The following PRMT9 variants were observed in gnomAD, a reference collection of about 807,000 sequenced individuals.
PRMT9 encodes the protein protein arginine methyltransferase 9.
A neutral mutation model predicts 83.2 loss-of-function variants in PRMT9; 59 were observed. That is an observed-to-expected ratio of 0.71 (90% CI 0.57 to 0.88). The LOEUF (loss-of-function observed/expected upper bound fraction) is 0.88. PRMT9 is among the 40% of genes least tolerant of loss of function. The pLI, the probability that PRMT9 is intolerant of heterozygous loss-of-function variation, is 0.00. For missense variants in PRMT9, 947 were observed against 1,021.9 expected (o/e 0.93, Z 1.00); for synonymous variants, 333 against 353.2 (o/e 0.94, Z 0.64).
Position 147,660,960 on chromosome 4 carries a change from A to G in PRMT9, c.1032T>C (p.Asp344=). The G allele has an allele frequency of 1.9e-6, 3 of 1,613,000 alleles. No individual in the cohort carries two copies. The highest frequency in any genetic ancestry group is 2.5e-6 in the Non-Finnish European group (3 of 1,179,024). ...KFQSPAYSSV[D]TEETIEPYTT... ...TATAAGGTTCAATTGTTTCTTCAGT[A>G]TCTACAGAAGAATAAGCCGGACTCT... Residue 344 remains aspartate, a synonymous_variant, in exon 7 of 12, where the codon GAT becomes GAC. Coordinates refer to ENST00000322396, the MANE Select transcript of PRMT9 (RefSeq NM_138364.4).
At chr4:147,671,005 C>T (rs1204885646) in intron 4 of PRMT9, among the ~76,000 whole-genome samples, 1 of 152,018 alleles carries the variant, frequency 6.6e-6, no homozygotes, top group Non-Finnish European at 1.5e-5. Context: ...TGACAAACTT[C>T]ACTTGGCCTT....
At chr4:147,640,165 T>G (rs1387546644) in intron 10 of PRMT9, among the ~76,000 whole-genome samples, 1 of 145,492 alleles carries the variant, frequency 6.9e-6, no homozygotes, top group Non-Finnish European at 1.5e-5. Context: ...CTCCGCTTCC[T>G]GGGCTCAAGT....
rs1030140162 is a variant in PRMT9 at position 147,683,883 on chromosome 4, A to G, written c.105T>C (p.Cys35=). The change falls in exon 1 of 12, where the codon TGT becomes TGC. Residue 35 remains cysteine (C), a synonymous_variant. Transcript: ENST00000322396. ...VSRSLQSAEH[C]LGVQDFGTAY... The stretch of plus-strand genomic sequence containing the variant: ...CAGTGCCGAAGTCCTGGACGCCCAG[A>G]CAGTGCTCTGCGCTCTGCAAGGACC... The G allele has an allele frequency of 1.9e-6, 3 of 1,613,634 alleles. No homozygotes were observed. Among genetic ancestry groups the G allele is most frequent in the Non-Finnish European group, 2.5e-6 (3 of 1,179,990 alleles).
intron 9 of PRMT9, among the ~76,000 whole-genome samples, chr4:147,649,061 G>A (rs934828373): frequency 4.6e-5 from 7 of 152,020 alleles, no homozygotes; most frequent in Non-Finnish European, 8.8e-5. Flanking sequence ...AAAAAATAAC[G>A]TTGTAACTCA....
chr4:147,642,712 A>G, intron 10 of PRMT9, 75 bp downstream of exon 10: 1 of 1,284,864 alleles, frequency 7.8e-7, no homozygotes, highest in Non-Finnish European at 1.1e-6. Flanking sequence ...TAGCTAGATT[A>G]AACAGTGACT....
intron 5 of PRMT9, 138 bp from the exon 6 acceptor site, chr4:147,668,783 T>C (rs529862291): frequency 1.5e-6 from 1 of 653,676 alleles, no homozygotes; most frequent in South Asian, 1.9e-5. Flanking sequence ...GGTTTTTTTT[T>C]CTTCCTTAAA....
At chr4:147,675,503 T>C (rs1007119220) in intron 2 of PRMT9, among the ~76,000 whole-genome samples, 22 of 152,314 alleles carry the variant, frequency 1.4e-4, no homozygotes, top group Middle Eastern at 3.4e-3. Context: ...CCATTGTACA[T>C]AGTATAGTAC....
intron 8 of PRMT9, among the ~76,000 whole-genome samples, chr4:147,656,792 AAAAG>A (rs1266357169): frequency 4.0e-5 from 6 of 149,094 alleles, no homozygotes; most frequent in African/African-American, 1.2e-4. Flanking sequence ...AAAAAAAAAA[AAAAG>A]AAAGAAAGAA....
intron 6 of PRMT9, among the ~76,000 whole-genome samples, chr4:147,663,806 C>A (rs1039142832): frequency 6.6e-6 from 1 of 152,132 alleles, no homozygotes; most frequent in Non-Finnish European, 1.5e-5. Flanking sequence ...TCCTTCCATA[C>A]CTTTTTTTAA....
rs1053963742 is a variant in PRMT9 at position 147,653,942 on chromosome 4, G to A, written c.1955C>T (p.Ser652Leu). 2 of 1,614,058 alleles carry A rather than the reference G, an allele frequency of 1.2e-6. No individual in the cohort carries two copies. The highest frequency in any genetic ancestry group is 1.7e-6 in the Non-Finnish European group (2 of 1,180,022). ...DESAMLQRPK[S>L]DKLWSIIILD... ...TATAATTATGCTCCATAACTTGTCT[G>A]ATTTTGGCCTTTGTAACATAGCAGA... is the stretch of plus-strand genomic sequence containing the variant. The change falls in exon 9 of 12, where the codon TCA becomes TTA. Residue 652 changes from serine to leucine, a missense_variant. Physicochemically the swap from Ser to Leu is moderately radical, Grantham distance 145 (BLOSUM62 -2). Coordinates refer to ENST00000322396, the MANE Select transcript of PRMT9 (RefSeq NM_138364.4).
At position 147,657,767 on chromosome 4, in the gene PRMT9, A is replaced by T. The variant is rs201366933; in HGVS notation, c.1330+25T>A. 4,814 of 536,220 alleles carry T rather than the reference A, an allele frequency of 9.0e-3. 6 individuals carry two copies. The highest frequency in any genetic ancestry group is 0.011 in the Non-Finnish European group (4,131 of 377,258). The allele number at this position is 536,220 out of a possible 1,614,324, so 33.2% of individuals were successfully genotyped here. On this transcript the variant is annotated intron_variant, in intron 8 of 11. Coordinates refer to ENST00000322396, the MANE Select transcript of PRMT9 (RefSeq NM_138364.4). ...ACTTAGAAGATTAAAGCAAGAGGTT[A>T]AAAAAAAAAATGGACAAGACCTACC...
chr4:147,669,270 C>T (rs906472740), intron 5 of PRMT9, among the ~76,000 whole-genome samples: 2 of 151,212 alleles, frequency 1.3e-5, no homozygotes, highest in Admixed American at 6.6e-5. Context: ...GGTGACATTG[C>T]GAGGCTGAGG....
chr4:147,658,939 G>A (rs1005087277), intron 7 of PRMT9, among the ~76,000 whole-genome samples: 1 of 152,162 alleles, frequency 6.6e-6, no homozygotes, highest in Non-Finnish European at 1.5e-5. Context: ...CAGCACTTTG[G>A]GAGGCCAAGG....
At chr4:147,673,418 A>C (rs1175436628) in intron 3 of PRMT9, among the ~76,000 whole-genome samples, 1 of 152,188 alleles carries the variant, frequency 6.6e-6, no homozygotes, top group Non-Finnish European at 1.5e-5. Context: ...AAAAGACTCA[A>C]ATTCATTATT....
At chr4:147,643,126 C>T (rs948293066) in intron 9 of PRMT9, among the ~76,000 whole-genome samples, 186 bp from the exon 10 acceptor site, 2 of 151,762 alleles carry the variant, frequency 1.3e-5, no homozygotes, top group African/African-American at 2.4e-5. Context: ...CAACTAGATC[C>T]ACAGGTGGCA....
rs1482870940 is a variant in PRMT9 at position 147,639,018 on chromosome 4, T to G, written c.2264A>C (p.Glu755Ala). The G allele has an allele frequency of 1.2e-6, 2 of 1,612,378 alleles. No homozygotes were observed. Among genetic ancestry groups the G allele is most frequent in the Admixed American group, 1.7e-5 (1 of 60,012 alleles). The change falls in exon 11 of 12, where the codon GAA becomes GCA. Residue 755 changes from glutamate (E) to alanine (A), a missense_variant. Physicochemically the swap from Glu to Ala is moderately radical, Grantham distance 107. Transcript: ENST00000322396. Reference sequence around the variant, plus strand: ...AGTCATTAAATCTAGTCTTAAGAGTTCCACTGGCTTGCTTAAAGGTATACA... The same window carrying G: ...AGTCATTAAATCTAGTCTTAAGAGTGCCACTGGCTTGCTTAAAGGTATACA... ...LPCIPLSKPVELLRLDLMTPY... is the reference protein window; with the variant it reads ...LPCIPLSKPVALLRLDLMTPY...
chr4:147,647,546 G>A (rs202159145), intron 9 of PRMT9, among the ~76,000 whole-genome samples: 28 of 147,640 alleles, frequency 1.9e-4, no homozygotes, highest in Admixed American at 7.5e-4. Context: ...TTTTTGAGAC[G>A]GAGTCTCACT....
At chr4:147,641,670 T>C (rs1373180756) in intron 10 of PRMT9, among the ~76,000 whole-genome samples, 3 of 152,138 alleles carry the variant, frequency 2.0e-5, no homozygotes, top group Non-Finnish European at 4.4e-5. Context: ...GTACATGTAG[T>C]AGACATTCAG....
Position 147,658,023 on chromosome 4 carries a change from T to C in PRMT9, c.1147-48A>G, listed in dbSNP as rs778285078. 3 of 1,264,888 alleles carry C rather than the reference T, an allele frequency of 2.4e-6. No homozygotes were observed. In the African/African-American group the frequency reaches 4.5e-5, roughly 19 times the overall value. 78.4% of individuals were successfully genotyped at this position (1,264,888 alleles called of 1,614,324 possible). A position where few individuals can be genotyped will look rare whatever the true frequency, so the allele number is the denominator to read the frequency against. Reference sequence around the variant, plus strand: ...GAAACGGTTTTATATATTTCATATATACTTGCCTCAGTATCTTACCATTTT... The same window carrying C: ...GAAACGGTTTTATATATTTCATATACACTTGCCTCAGTATCTTACCATTTT... On this transcript the variant is annotated intron_variant, in intron 7 of 11. Transcript: ENST00000322396.
Sources: gnomAD v4.1 joint callset for allele counts (sites outside exome capture counted in the v4.1 genomes callset) on GRCh38, gnomAD v4.1.1 for gene constraint, MANE v1.5 for transcripts, NCBI Gene and HGNC (gene_info 2026-07-23, HGNC 2026-07-21) for gene names.